Variants in GANAB observed in about 807,000 individuals in gnomAD.
GANAB encodes glucosidase II alpha subunit.
Under a neutral mutation model 129.9 loss-of-function variants are expected in GANAB, and 35 were observed. That is an observed-to-expected ratio of 0.27 (90% CI 0.21 to 0.36). The LOEUF is 0.36. Among genes scored for constraint, GANAB ranks in the 10% least tolerant of loss-of-function variants. The pLI, the probability that GANAB is intolerant of heterozygous loss-of-function variation, is 1.00. For missense variants in GANAB, 939 were observed against 1,221.0 expected (o/e 0.77, Z 3.44); for synonymous variants, 482 against 451.8 (o/e 1.07, Z -0.85).
intron 1 of GANAB, 114 bp downstream of exon 1, chr11:62,646,448 T>C (rs1184661364): frequency 6.5e-6 from 8 of 1,227,994 alleles, no homozygotes; most frequent in South Asian, 3.7e-5. Flanking sequence ...GGAACAAAGG[T>C]TCCTCACGAG....
Position 62,626,358 on chromosome 11 carries a change from G to T in GANAB, c.2601C>A (p.Phe867Leu). The change falls in exon 22 of 24, where the codon TTC (phenylalanine) becomes TTA (leucine). Residue 867 changes from phenylalanine (F) to leucine (L), a missense_variant. Physicochemically the swap from Phe to Leu is conservative, Grantham distance 22. This residue lies in a region of GANAB where 230 missense variants were observed against 259.9 expected (regional missense o/e 0.89). Coordinates refer to ENST00000356638, the MANE Select transcript of GANAB (RefSeq NM_198334.3). ...ACCTGGAGACAAGGGTGTTGCCAGA[G>T]AATGAGAATCGACGCAGCAGGAACT... ...RQEFLLRRFS[F>L]SGNTLVSSSA... 5 of 1,611,362 alleles carry T rather than the reference G, an allele frequency of 3.1e-6. No individual in the cohort carries two copies. Among genetic ancestry groups the T allele is most frequent in the Non-Finnish European group, 4.2e-6 (5 of 1,177,412 alleles).
At chr11:62,643,933 G>A (rs922835364) in intron 1 of GANAB, among the ~76,000 whole-genome samples, 6 of 152,148 alleles carry the variant, frequency 3.9e-5, no homozygotes, top group Non-Finnish European at 7.3e-5. Flanking sequence ...ACCCACCCTG[G>A]ATACCGCATT....
Position 62,625,490 on chromosome 11 carries a change from C to T in GANAB, c.*325G>A, listed in dbSNP as rs2134452439. On this transcript the variant is annotated 3_prime_UTR_variant, in exon 24 of 24. Coordinates refer to ENST00000356638, the MANE Select transcript of GANAB (RefSeq NM_198334.3). The stretch of plus-strand genomic sequence containing the variant: ...GGATAGACTCTGGGGGAGTTCAGGG[C>T]TCCTAAATAAGGGAAAGAGAAGGGG... 1 of 413,152 alleles carries T rather than the reference C, an allele frequency of 2.4e-6. No homozygotes were observed. Among genetic ancestry groups the T allele is most frequent in the East Asian group, 5.5e-5 (1 of 18,338 alleles). The allele number at this position is 413,152 out of a possible 1,614,324, so 25.6% of individuals were successfully genotyped here.
chr11:62,628,958 T>C lies in GANAB; in HGVS notation c.1991A>G (p.Tyr664Cys). ...NPEPELLVRWYQMGAYQPFFR... is the reference protein window; with the variant it reads ...NPEPELLVRWCQMGAYQPFFR... ...GAATGGCTGGTAAGCACCCATCTGGTACCAGCGCACAAGCAGCTCTGGCTC... is the reference window on the plus strand; with the variant it reads ...GAATGGCTGGTAAGCACCCATCTGGCACCAGCGCACAAGCAGCTCTGGCTC... Residue 664 changes from tyrosine (Y) to cysteine (C), a missense_variant, in exon 17 of 24, where the codon TAC (tyrosine) becomes TGC (cysteine). Coordinates refer to ENST00000356638, the MANE Select transcript of GANAB (RefSeq NM_198334.3). The C allele has an allele frequency of 6.2e-7, 1 of 1,614,048 alleles. No individual in the cohort carries two copies. The highest frequency in any genetic ancestry group is 8.5e-7 in the Non-Finnish European group (1 of 1,179,924).
chr11:62,640,695 T>G (rs1324569586), intron 1 of GANAB, among the ~76,000 whole-genome samples: 3 of 150,558 alleles, frequency 2.0e-5, no homozygotes, highest in African/African-American at 7.3e-5. Context: ...TATCCAGGCG[T>G]GGTGGTGGGC....
chr11:62,631,388 G>C (rs1435426266), intron 9 of GANAB, among the ~76,000 whole-genome samples: 1 of 151,534 alleles, frequency 6.6e-6, no homozygotes, highest in Non-Finnish European at 1.5e-5. Context: ...TACCCCACCA[G>C]TTTGGGGTGG....
intron 17 of GANAB, among the ~76,000 whole-genome samples, chr11:62,628,072 C>T (rs557567592): frequency 2.0e-5 from 3 of 152,256 alleles, no homozygotes; most frequent in South Asian, 4.1e-4. Flanking sequence ...TTTTCTATTC[C>T]TAGTACATAA....
In GANAB at chr11:62,630,493, C is replaced by T. The variant is rs150463377; in HGVS notation, c.1399G>A (p.Val467Ile). 9.6e-4 allele frequency: 1,547 copies of T among 1,614,184 alleles called. 3 individuals carry two copies. The highest frequency in any genetic ancestry group is 1.1e-3 in the Non-Finnish European group (1,340 of 1,180,036). Reference sequence around the variant, plus strand: ...GAGTCCACCTTGATGTGGGGGTCTACGATGGCCACCAGCTGGGGGCAAGGA... The same window carrying T: ...GAGTCCACCTTGATGTGGGGGTCTATGATGGCCACCAGCTGGGGGCAAGGA... Reference protein sequence around the residue: ...ASKRRKLVAIVDPHIKVDSGY... With the variant: ...ASKRRKLVAIIDPHIKVDSGY... Residue 467 changes from valine (V) to isoleucine (I), a missense_variant, in exon 12 of 24, where the codon GTA becomes ATA. Physicochemically the swap from Val to Ile is conservative, Grantham distance 29 (BLOSUM62 3). Around this residue, in one of 5 missense-constraint regions of GANAB, gnomAD observed 220 missense variants for 295.9 expected, o/e 0.74. Coordinates refer to ENST00000356638, the MANE Select transcript of GANAB (RefSeq NM_198334.3).
chr11:62,631,832 G>A (rs1943698099), intron 9 of GANAB, among the ~76,000 whole-genome samples: 1 of 151,748 alleles, frequency 6.6e-6, no homozygotes, highest in Non-Finnish European at 1.5e-5. Flanking sequence ...GCCCAGGCTG[G>A]TCTCGAACTC....
chr11:62,627,938 C>T (rs574542528), intron 17 of GANAB, among the ~76,000 whole-genome samples: 23 of 152,322 alleles, frequency 1.5e-4, no homozygotes, highest in Middle Eastern at 3.4e-3. Context: ...CATGTTTCAC[C>T]GCCCTGGCTT....
chr11:62,625,242 G>A lies in GANAB; in HGVS notation c.*573C>T. 1 of 455,262 alleles carries A rather than the reference G, an allele frequency of 2.2e-6. No individual in the cohort carries two copies. The highest frequency in any genetic ancestry group is 1.6e-5 in the South Asian group (1 of 64,508). The allele number at this position is 455,262 out of a possible 1,614,324, so 28.2% of individuals were successfully genotyped here. A position where few individuals can be genotyped will look rare whatever the true frequency, so the allele number is the denominator to read the frequency against. On this transcript the variant is annotated 3_prime_UTR_variant, in exon 24 of 24. Transcript: ENST00000356638. The stretch of plus-strand genomic sequence containing the variant: ...GAGAGGAAAAGGGTAGAATGAGAGG[G>A]AAAAGGATGTTCTTTAGCAACCTCA...
At chr11:62,631,571 T>C (rs1379248154) in intron 9 of GANAB, among the ~76,000 whole-genome samples, 1 of 151,444 alleles carries the variant, frequency 6.6e-6, no homozygotes, top group Middle Eastern at 3.2e-3. Context: ...CAACCAGTTC[T>C]CCTGCCTCAG....
chr11:62,641,898 G>GTTT (rs146583058), intron 1 of GANAB, among the ~76,000 whole-genome samples: 3 of 146,698 alleles, frequency 2.0e-5, no homozygotes, highest in Non-Finnish European at 3.0e-5. Context: ...AAAAGTTGTG[G>GTTT]TTTTTGTTTT....
At chr11:62,631,208 C>T in intron 9 of GANAB, 25 bp from the exon 10 acceptor site, 1 of 1,522,238 alleles carries the variant, frequency 6.6e-7, no homozygotes. Context: ...ACAAAGGGGT[C>T]AGACACCTCC....
At chr11:62,628,205 C>CTTTTTTTTTTTTTTTTTTTTTTT (rs58757640) in intron 17 of GANAB, among the ~76,000 whole-genome samples, 3 of 98,412 alleles carry the variant, frequency 3.0e-5, no homozygotes, top group African/African-American at 3.9e-5. Flanking sequence ...CTTCTCAAAA[C>CTTTTTTTTTTTTTTTTTTTTTTT]TTTTTTTTTT....
rs1590819918 is a variant in GANAB, at chr11:62,639,476, T to C, written c.144-9A>G. 6.2e-7 allele frequency: 1 copy of C among 1,608,120 alleles called. No individual in the cohort carries two copies. The highest frequency in any genetic ancestry group is 1.7e-5 in the Admixed American group (1 of 59,958). On this transcript the variant is annotated splice_polypyrimidine_tract_variant and intron_variant, in intron 2 of 23. Coordinates refer to ENST00000356638, the MANE Select transcript of GANAB (RefSeq NM_198334.3). ...GTATGCTTCTCTGTCGCCTGCCAAG[T>C]GAAGGGTTGGGAAGTAAGGTAAAGG... is the stretch of plus-strand genomic sequence containing the variant.
rs753871428 is a variant in GANAB at position 62,633,215 on chromosome 11, T to C, written c.687A>G (p.Thr229=). The C allele has an allele frequency of 6.8e-6, 11 of 1,614,144 alleles. No individual in the cohort carries two copies. Among genetic ancestry groups the C allele is most frequent in the Non-Finnish European group, 9.3e-6 (11 of 1,180,014 alleles). ...GCTTGCTGTCAGAGTGAGTTTTGAA[T>C]GTCTCCTCCCAGGCTCCTGGCTCAT... is the stretch of plus-strand genomic sequence containing the variant. The part of the protein sequence containing the change: ...EKDEPGAWEE[T]FKTHSDSKPY... Residue 229 remains threonine (T), a synonymous_variant, in exon 7 of 24, where the codon ACA becomes ACG. Transcript: ENST00000356638.
rs1943578719 is a variant in GANAB, at chr11:62,629,829, G to T, written c.1722C>A (p.Ile574=). The change falls in exon 14 of 24, where the codon ATC becomes ATA. Residue 574 remains isoleucine, a synonymous_variant. Coordinates refer to ENST00000356638, the MANE Select transcript of GANAB (RefSeq NM_198334.3). The stretch of plus-strand genomic sequence containing the variant: ...AGGCCCTTACCACATAAAGGCCATA[G>T]ATGTTATGCACATCCCGGTGCTCCC... ...GGWEHRDVHN[I]YGLYVHMATA... is the part of the protein sequence containing the mutation. 1 of 1,614,182 alleles carries T rather than the reference G, an allele frequency of 6.2e-7. No individual in the cohort carries two copies. Among genetic ancestry groups the T allele is most frequent in the Non-Finnish European group, 8.5e-7 (1 of 1,180,032 alleles).
rs1205051597 is a variant in GANAB at position 62,626,217 on chromosome 11, AG to A, written c.2625-53del. ...TCAGGGGGAAAAATAACAGAACAGA[AG>A]GAAGGAGGAGACCCAAAGCAAGGTC... On this transcript the variant is annotated intron_variant, in intron 22 of 23. Coordinates refer to ENST00000356638, the MANE Select transcript of GANAB (RefSeq NM_198334.3). The A allele has an allele frequency of 2.1e-6, 3 of 1,404,116 alleles. No homozygotes were observed. In the East Asian group the frequency reaches 6.8e-5, roughly 32 times the overall value. 87.0% of individuals were successfully genotyped at this position (1,404,116 alleles called of 1,614,324 possible). A position where few individuals can be genotyped will look rare whatever the true frequency, so the allele number is the denominator to read the frequency against.
Sources: gnomAD v4.1 joint callset for allele counts (sites outside exome capture counted in the v4.1 genomes callset) on GRCh38, gnomAD v4.1.1 for gene constraint, gnomAD v4.1.1 regional missense constraint, MANE v1.5 for transcripts, NCBI Gene and HGNC (gene_info 2026-07-23, HGNC 2026-07-21) for gene names.